RBFOX1: variants seen among roughly 807,000 people sequenced by gnomAD.
The protein encoded by RBFOX1 is RNA binding fox-1 homolog 1, also known as RNA binding protein fox-1 homolog 1.
A neutral mutation model predicts 57.7 loss-of-function variants in RBFOX1; 8 were observed. That is an observed-to-expected ratio of 0.14 (90% CI 0.08 to 0.25). RBFOX1 has a LOEUF of 0.25. Ranked by LOEUF, RBFOX1 falls within the 10% of genes least tolerant of loss-of-function variation. The pLI, the probability that RBFOX1 is intolerant of heterozygous loss-of-function variation, is 1.00. For synonymous variants in RBFOX1, 326 were observed against 222.4 expected, an observed-to-expected ratio of 1.47 and a Z score of -4.15; for missense variants, 611 against 548.5, an observed-to-expected ratio of 1.11 and a Z score of -1.14.
chr16:5,955,039 C>T (rs1440867368), intron 4 of RBFOX1, among the ~76,000 whole-genome samples: 5 of 141,906 alleles, frequency 3.5e-5, no homozygotes, highest in African/African-American at 5.3e-5. Flanking sequence ...CCAGCACTTG[C>T]GGAGGCCGAA....
chr16:7,507,556 TCTTTC>T (rs2073740374), intron 4 of RBFOX1, among the ~76,000 whole-genome samples: 1 of 84,550 alleles, frequency 1.2e-5, no homozygotes, highest in Non-Finnish European at 3.6e-5. Context: ...ATTTTTTTTT[TCTTTC>T]TTTCTTTTTT....
chr16:5,534,028 A>G (rs535996044), intron 2 of RBFOX1, among the ~76,000 whole-genome samples: 1 of 152,220 alleles, frequency 6.6e-6, no homozygotes, highest in East Asian at 1.9e-4. Flanking sequence ...ACTGAGCCAA[A>G]TCTGGGAGGA....
At chr16:6,276,270 C>T (rs568787367) in intron 1 of RBFOX1, among the ~76,000 whole-genome samples, 6 of 152,274 alleles carry the variant, frequency 3.9e-5, no homozygotes, top group Middle Eastern at 3.4e-3. Flanking sequence ...TGGAATGTCA[C>T]GGAAGTGGTC....
intron 3 of RBFOX1, among the ~76,000 whole-genome samples, chr16:5,816,682 G>A (rs1380188450): frequency 1.3e-5 from 2 of 152,078 alleles, no homozygotes; most frequent in Non-Finnish European, 2.9e-5. Flanking sequence ...TACTAGGGAG[G>A]CTGAGGTGGG....
intron 1 of RBFOX1, among the ~76,000 whole-genome samples, chr16:6,243,605 A>G (rs568052182): frequency 1.3e-5 from 2 of 152,290 alleles, no homozygotes; most frequent in South Asian, 2.1e-4. Flanking sequence ...GACTCGGGTC[A>G]GGTGGACCCA....
chr16:5,713,349 G>T (rs994937314), intron 3 of RBFOX1, among the ~76,000 whole-genome samples: 1 of 152,162 alleles, frequency 6.6e-6, no homozygotes, highest in African/African-American at 2.4e-5. Context: ...CTTAAGTACA[G>T]GAATGAGATT....
intron 2 of RBFOX1, among the ~76,000 whole-genome samples, chr16:6,520,415 T>C (rs1438112968): frequency 6.6e-6 from 1 of 152,134 alleles, no homozygotes; most frequent in Non-Finnish European, 1.5e-5. Context: ...GACTATAAAA[T>C]CCTAATTTTT....
At chr16:5,438,671 G>A (rs529272554) in intron 1 of RBFOX1, among the ~76,000 whole-genome samples, 1 of 152,234 alleles carries the variant, frequency 6.6e-6, no homozygotes, top group African/African-American at 2.4e-5. Flanking sequence ...ACCCTCTTAT[G>A]GGAAGCAAGG....
At chr16:6,807,191 G>T (rs193078139) in intron 3 of RBFOX1, among the ~76,000 whole-genome samples, 207 of 152,066 alleles carry the variant, frequency 1.4e-3, no homozygotes, top group Middle Eastern at 6.8e-3. Flanking sequence ...TTGGAGATTG[G>T]ACAGGGAGAC....
rs146163532 is a variant in RBFOX1 at position 5,818,043 on chromosome 16, T to A, written c.319-49260T>A. On this transcript the variant is annotated intron_variant, in intron 3 of 19. Transcript: ENST00000641259. The stretch of plus-strand genomic sequence containing the variant: ...TGTCTTTATGGTGAAAGCAGTAGGG[T>A]CTTTGAACAGTTTTAAGCAGGAGAC... Among the ~76,000 whole-genome samples, 24 of 152,144 alleles carry A rather than the reference T, an allele frequency of 1.6e-4. No individual in the cohort carries two copies. In the East Asian group the frequency reaches 4.1e-3, roughly 26 times the overall value.
intron 4 of RBFOX1, among the ~76,000 whole-genome samples, chr16:7,417,383 A>C (rs1245664645): frequency 6.6e-6 from 1 of 151,240 alleles, no homozygotes; most frequent in Non-Finnish European, 1.5e-5. Flanking sequence ...AAAGAAAAAA[A>C]AAAAAAAGAG....
chr16:7,571,451 C>G (rs2092768752), intron 5 of RBFOX1, among the ~76,000 whole-genome samples: 1 of 152,176 alleles, frequency 6.6e-6, no homozygotes, highest in Non-Finnish European at 1.5e-5. Context: ...TTGCTCAGAG[C>G]TATTCATTGA....
chr16:5,851,233 G>A (rs888266962), intron 3 of RBFOX1, among the ~76,000 whole-genome samples: 2 of 152,172 alleles, frequency 1.3e-5, no homozygotes, highest in African/African-American at 4.8e-5. Flanking sequence ...GAGCAGGAAG[G>A]ATATCAGTGT....
chr16:7,446,516 A>C (rs2098808862), intron 4 of RBFOX1, among the ~76,000 whole-genome samples: 1 of 152,156 alleles, frequency 6.6e-6, no homozygotes, highest in Non-Finnish European at 1.5e-5. Flanking sequence ...AAGAAGCAAG[A>C]AGGTTGGGAA....
chr16:5,693,430 G>A (rs12920094), intron 3 of RBFOX1, among the ~76,000 whole-genome samples: 34,717 of 150,682 alleles, frequency 0.23, 5,487 homozygotes, highest in East Asian at 0.82. Flanking sequence ...GGATACGCCT[G>A]AGTAGGGCAA....
In RBFOX1 at chr16:6,692,687, C is replaced by T. The variant is rs140928876; in HGVS notation, c.-16+38037C>T. Among the ~76,000 whole-genome samples the T allele has an allele frequency of 3.4e-3, 518 of 152,006 alleles. 3 individuals are homozygous for T. The highest frequency in any genetic ancestry group is 0.034 in the Middle Eastern group (10 of 294). On this transcript the variant is annotated intron_variant, in intron 3 of 15. Coordinates refer to ENST00000550418, the MANE Select transcript of RBFOX1 (RefSeq NM_018723.4). ...CCTGAATGTGTTTCCCTTTAACCAA[C>T]ACCTAGTTGAAATGCCTACTATATA...
intron 3 of RBFOX1, among the ~76,000 whole-genome samples, chr16:7,011,712 C>G (rs1281304775): frequency 6.6e-6 from 1 of 152,134 alleles, no homozygotes; most frequent in Non-Finnish European, 1.5e-5. Context: ...ATGGGAGTTT[C>G]ACCATGTTAG....
intron 3 of RBFOX1, among the ~76,000 whole-genome samples, chr16:5,832,580 G>A (rs1374188871): frequency 6.6e-6 from 1 of 152,192 alleles, no homozygotes; most frequent in Non-Finnish European, 1.5e-5. Context: ...GTCACTGTTA[G>A]GCTTCTGATT....
At chr16:7,104,088 G>C (rs1048789745) in intron 4 of RBFOX1, among the ~76,000 whole-genome samples, 1 of 152,114 alleles carries the variant, frequency 6.6e-6, no homozygotes, top group Non-Finnish European at 1.5e-5. Context: ...CAATCCCACA[G>C]ATGTCAGAAT....
Sources: gnomAD v4.1 joint callset for allele counts (sites outside exome capture counted in the v4.1 genomes callset) on GRCh38, gnomAD v4.1.1 for gene constraint, MANE v1.5 for transcripts, NCBI Gene and HGNC (gene_info 2026-07-23, HGNC 2026-07-21) for gene names.